CEP70: variants seen among roughly 807,000 people sequenced by gnomAD.
CEP70 encodes the protein centrosomal protein of 70 kDa.
In CEP70, 70 loss-of-function variants were observed where a neutral mutation model predicts 90.9. The observed-to-expected ratio is 0.77, with a 90% CI of 0.64 to 0.94. The LOEUF (loss-of-function observed/expected upper bound fraction) is 0.94, where lower values mean the gene tolerates loss of function less well. Ranked by LOEUF, CEP70 falls within the 40% of genes least tolerant of loss-of-function variation. CEP70 has a pLI of 0.00. For missense variants in CEP70, 648 were observed against 669.0 expected, an observed-to-expected ratio of 0.97 and a Z score of 0.35; for synonymous variants, 220 against 228.3, an observed-to-expected ratio of 0.96 and a Z score of 0.33.
intron 6 of CEP70, among the ~76,000 whole-genome samples, chr3:138,545,541 G>C (rs2107892577): frequency 6.6e-6 from 1 of 152,288 alleles, no homozygotes; most frequent in East Asian, 1.9e-4. Context: ...CAGAATAACA[G>C]TGATTTTCAG....
In CEP70 at chr3:138,497,999, C is replaced by G. The variant is rs368843375; in HGVS notation, c.1732+32G>C. 6.8e-6 allele frequency: 11 copies of G among 1,610,634 alleles called. No homozygotes were observed. The African/African-American group carries it at 1.5e-4, about 22-fold the overall frequency. On this transcript the variant is annotated intron_variant, in intron 17 of 17. Transcript: ENST00000264982. Reference sequence around the variant, plus strand: ...TTAAATGCACTGACATTTTAAGACTCAAAATTTCACCATCACCACCAGAGA... The same window carrying G: ...TTAAATGCACTGACATTTTAAGACTGAAAATTTCACCATCACCACCAGAGA...
In CEP70 at chr3:138,521,225, A is replaced by G. The variant is rs186208441; in HGVS notation, c.944+4265T>C. On this transcript the variant is annotated intron_variant, in intron 11 of 17. Transcript: ENST00000264982. ...CTGAGATTGCAGCCTCTGCCCGGCC[A>G]CCACCCCATCTAGGAAGTGAGGAGC... Among the ~76,000 whole-genome samples, 722 of 151,874 alleles carry G rather than the reference A, an allele frequency of 4.8e-3. 3 individuals carry two copies. The highest frequency in any genetic ancestry group is 0.017 in the African/African-American group (695 of 41,434).
chr3:138,508,539 T>C lies in CEP70; in HGVS notation c.950A>G (p.Gln317Arg). The C allele has an allele frequency of 6.3e-7, 1 of 1,596,086 alleles. No individual in the cohort carries two copies. The highest frequency in any genetic ancestry group is 8.6e-7 in the Non-Finnish European group (1 of 1,163,850). ...EKALKKNVKL[Q>R]ELINHKKAED... ...AGCCTTCTTATGATTAATAAGCTCC[T>C]GTAATCTAAAAGGGGGAAAAAAATC... The change falls in exon 12 of 18, where the codon CAG becomes CGG. Residue 317 changes from glutamine to arginine, a missense_variant. Coordinates refer to ENST00000264982, the MANE Select transcript of CEP70 (RefSeq NM_024491.4).
intron 6 of CEP70, among the ~76,000 whole-genome samples, chr3:138,560,590 C>G (rs1360924066): frequency 6.6e-6 from 1 of 152,010 alleles, no homozygotes; most frequent in Non-Finnish European, 1.5e-5. Context: ...CAGGTCCCAC[C>G]CCCATGGAGC....
At chr3:138,504,297 C>G (rs1291542540) in intron 13 of CEP70, among the ~76,000 whole-genome samples, 4 of 152,054 alleles carry the variant, frequency 2.6e-5, no homozygotes, top group African/African-American at 9.7e-5. Context: ...CTGTCTGAGC[C>G]CTATATAAAA....
chr3:138,537,824 G>T (rs1280123862), intron 6 of CEP70, among the ~76,000 whole-genome samples: 1 of 152,006 alleles, frequency 6.6e-6, no homozygotes, highest in Non-Finnish European at 1.5e-5. Context: ...CACCAAAATG[G>T]CAAAGTTGAA....
In CEP70 at chr3:138,551,877, T is replaced by C. The variant is rs148746024; in HGVS notation, c.466-14530A>G. 5.7e-3 allele frequency among the ~76,000 whole-genome samples: 872 copies of C among 151,950 alleles called. 7 individuals carry two copies. Among genetic ancestry groups the C allele is most frequent in the African/African-American group, 0.02 (834 of 41,406 alleles). On this transcript the variant is annotated intron_variant, in intron 6 of 17. Transcript: ENST00000264982. ...GCCTAAATGCTCCACTTAAAAGATA[T>C]AGAATTGCACAATGGATAAGAATTC...
At chr3:138,558,237 C>T (rs536204172) in intron 6 of CEP70, among the ~76,000 whole-genome samples, 1 of 152,236 alleles carries the variant, frequency 6.6e-6, no homozygotes, top group Admixed American at 6.5e-5. Context: ...TGCTGGTGCA[C>T]ACCTGTAATT....
chr3:138,551,488 G>A (rs886503084), intron 6 of CEP70, among the ~76,000 whole-genome samples: 2 of 152,310 alleles, frequency 1.3e-5, no homozygotes, highest in Middle Eastern at 3.4e-3. Context: ...GTTCATGCCT[G>A]TAATCCCAGC....
chr3:138,546,132 T>C (rs902386153), intron 6 of CEP70, among the ~76,000 whole-genome samples: 1 of 152,122 alleles, frequency 6.6e-6, no homozygotes, highest in Admixed American at 6.5e-5. Context: ...ATCATGGACC[T>C]ACCAATATGT....
intron 2 of CEP70, among the ~76,000 whole-genome samples, chr3:138,576,886 G>A (rs558893826): frequency 4.5e-4 from 69 of 152,286 alleles, no homozygotes; most frequent in African/African-American, 1.6e-3. Context: ...CAGAAATAAA[G>A]ATGTTCTTTG....
chr3:138,499,130 A>G (rs1322767537), intron 16 of CEP70, among the ~76,000 whole-genome samples: 2 of 152,172 alleles, frequency 1.3e-5, no homozygotes, highest in African/African-American at 4.8e-5. Flanking sequence ...AGCAAGATAT[A>G]TGTTCCTTTT....
At chr3:138,578,812 C>T (rs1038174023) in intron 2 of CEP70, among the ~76,000 whole-genome samples, 2 of 152,100 alleles carry the variant, frequency 1.3e-5, no homozygotes, top group African/African-American at 4.8e-5. Context: ...ATATTGAAGG[C>T]GGAGCAAAAT....
At chr3:138,592,554 A>C (rs1341269342) in intron 1 of CEP70, among the ~76,000 whole-genome samples, 4 of 149,566 alleles carry the variant, frequency 2.7e-5, no homozygotes, top group Non-Finnish European at 5.9e-5. Flanking sequence ...TGTTGGGGGT[A>C]GGAGTCGGGG....
intron 6 of CEP70, among the ~76,000 whole-genome samples, chr3:138,553,024 A>T (rs1350104593): frequency 5.3e-5 from 8 of 152,202 alleles, no homozygotes; most frequent in Non-Finnish European, 8.8e-5. Flanking sequence ...AATACAAAAG[A>T]TCATTCAAGG....
chr3:138,564,198 A>T (rs1226466428), intron 6 of CEP70, among the ~76,000 whole-genome samples: 3 of 152,244 alleles, frequency 2.0e-5, no homozygotes, highest in African/African-American at 4.8e-5. Flanking sequence ...AAATTGAGGC[A>T]GTAATTAATA....
intron 6 of CEP70, among the ~76,000 whole-genome samples, chr3:138,558,242 G>A (rs2040161967): frequency 1.3e-5 from 2 of 152,168 alleles, no homozygotes; most frequent in Non-Finnish European, 2.9e-5. Context: ...GTGCACACCT[G>A]TAATTCCAGC....
chr3:138,524,608 T>C (rs1187687716), intron 11 of CEP70, among the ~76,000 whole-genome samples: 43 of 149,600 alleles, frequency 2.9e-4, no homozygotes, highest in African/African-American at 2.9e-4. Flanking sequence ...GCAAAGGATA[T>C]GAACAGACAC....
intron 6 of CEP70, among the ~76,000 whole-genome samples, chr3:138,550,863 G>A (rs1576784902): frequency 6.6e-6 from 1 of 152,230 alleles, no homozygotes; most frequent in African/African-American, 2.4e-5. Context: ...TCTCCAAGAA[G>A]TTTGGGATTA....
Sources: gnomAD v4.1 joint callset for allele counts (sites outside exome capture counted in the v4.1 genomes callset) on GRCh38, gnomAD v4.1.1 for gene constraint, MANE v1.5 for transcripts, NCBI Gene and HGNC (gene_info 2026-07-23, HGNC 2026-07-21) for gene names.